The following UGT8 variants were observed in gnomAD, a reference collection of about 807,000 sequenced individuals.
UGT8 encodes UDP glycosyltransferase 8, also known as 2-hydroxyacylsphingosine 1-beta-galactosyltransferase.
A neutral mutation model predicts 40.5 loss-of-function variants in UGT8; 12 were observed. The observed-to-expected ratio is 0.30, with a 90% CI of 0.19 to 0.48. The LOEUF (loss-of-function observed/expected upper bound fraction) is 0.48, where lower values mean the gene tolerates loss of function less well. Ranked by LOEUF, UGT8 falls within the 20% of genes least tolerant of loss-of-function variation. The probability of loss-of-function intolerance (pLI) is 0.99; values close to 1 mark genes in which losing one functional copy is unlikely to be tolerated. For missense variants in UGT8, 513 were observed against 648.7 expected (o/e 0.79, Z 2.27); for synonymous variants, 224 against 240.4 (o/e 0.93, Z 0.63).
At chr4:114,670,899 T>G (rs1735226492) in intron 5 of UGT8, among the ~76,000 whole-genome samples, 1 of 152,110 alleles carries the variant, frequency 6.6e-6, no homozygotes, top group Non-Finnish European at 1.5e-5. Flanking sequence ...ATGACATGGT[T>G]TTATATTTAG....
intron 2 of UGT8, among the ~76,000 whole-genome samples, chr4:114,638,624 C>T (rs946004068): frequency 1.3e-5 from 2 of 152,222 alleles, no homozygotes; most frequent in Non-Finnish European, 2.9e-5. Flanking sequence ...AAACTCATCT[C>T]CTGTGACAGA....
intron 1 of UGT8, among the ~76,000 whole-genome samples, chr4:114,610,440 A>G (rs1039538441): frequency 1.3e-5 from 2 of 152,368 alleles, no homozygotes; most frequent in Non-Finnish European, 2.9e-5. Context: ...GCAATGATAT[A>G]CAAAAGACTT....
At chr4:114,600,118 A>G (rs186988489) in intron 1 of UGT8, among the ~76,000 whole-genome samples, 8 of 152,290 alleles carry the variant, frequency 5.3e-5, no homozygotes, top group Admixed American at 1.3e-4. Context: ...AGGCGTTCTT[A>G]GCAGGAAAAT....
At chr4:114,603,236 G>A (rs1730540998) in intron 1 of UGT8, among the ~76,000 whole-genome samples, 1 of 152,264 alleles carries the variant, frequency 6.6e-6, no homozygotes, top group South Asian at 2.1e-4. Context: ...AGTGCTTATA[G>A]AAAATCGAAC....
intron 4 of UGT8, chr4:114,667,664 T>C (rs1415133531): frequency 3.1e-5 from 5 of 162,984 alleles, no homozygotes; most frequent in African/African-American, 1.2e-4. Flanking sequence ...TCCAGCCCTT[T>C]TTTACATTTT....
chr4:114,615,383 G>A (rs1307146184), intron 1 of UGT8, among the ~76,000 whole-genome samples: 20 of 152,122 alleles, frequency 1.3e-4, no homozygotes, highest in Non-Finnish European at 2.9e-4. Flanking sequence ...GCAATAGGGT[G>A]ACCAGCTCGT....
intron 5 of UGT8, 100 bp from the exon 6 acceptor site, chr4:114,675,825 A>G: frequency 1.1e-5 from 16 of 1,420,894 alleles, no homozygotes; most frequent in Non-Finnish European, 1.5e-5. Flanking sequence ...TTACTAAAGA[A>G]TAGTTGTTTT....
intron 2 of UGT8, among the ~76,000 whole-genome samples, chr4:114,663,425 C>A (rs1034008156): frequency 7.9e-5 from 12 of 151,990 alleles, no homozygotes; most frequent in African/African-American, 2.9e-4. Flanking sequence ...ATTTATTTTC[C>A]TATGGGAAAC....
intron 2 of UGT8, among the ~76,000 whole-genome samples, chr4:114,642,925 A>G (rs755496612): frequency 3.9e-5 from 6 of 152,196 alleles, no homozygotes; most frequent in Non-Finnish European, 5.9e-5. Flanking sequence ...GATTAGTATC[A>G]TACCTCAATC....
intron 2 of UGT8, among the ~76,000 whole-genome samples, chr4:114,625,372 A>G (rs1401839489): frequency 2.0e-5 from 3 of 151,960 alleles, no homozygotes; most frequent in South Asian, 2.1e-4. Context: ...TTAGCTGGGT[A>G]TGGTGATGCA....
At chr4:114,673,971 C>T (rs1231634064) in intron 5 of UGT8, among the ~76,000 whole-genome samples, 3 of 152,116 alleles carry the variant, frequency 2.0e-5, no homozygotes, top group African/African-American at 2.4e-5. Flanking sequence ...AGAGAGAAAA[C>T]GTGCCTGTTA....
At chr4:114,666,731 C>A (rs1734909559) in intron 4 of UGT8, among the ~76,000 whole-genome samples, 1 of 151,916 alleles carries the variant, frequency 6.6e-6, no homozygotes, top group Non-Finnish European at 1.5e-5. Context: ...TATTGTTTTT[C>A]TTTTTTTCTT....
intron 2 of UGT8, among the ~76,000 whole-genome samples, chr4:114,649,573 C>T (rs1222436675): frequency 1.3e-5 from 2 of 152,146 alleles, no homozygotes; most frequent in African/African-American, 4.8e-5. Flanking sequence ...CAACCCTCAA[C>T]CCCACGGTCA....
At chr4:114,651,811 C>T (rs1232638968) in intron 2 of UGT8, among the ~76,000 whole-genome samples, 1 of 151,970 alleles carries the variant, frequency 6.6e-6, no homozygotes, top group African/African-American at 2.4e-5. Flanking sequence ...GGAAAATGTG[C>T]ATAGATTTCT....
At chr4:114,610,386 G>C (rs1052922926) in intron 1 of UGT8, among the ~76,000 whole-genome samples, 3 of 152,038 alleles carry the variant, frequency 2.0e-5, no homozygotes, top group African/African-American at 7.2e-5. Context: ...CAAATATATT[G>C]TGTCAATGTT....
At chr4:114,658,752 A>G (rs866007997) in intron 2 of UGT8, among the ~76,000 whole-genome samples, 2 of 152,308 alleles carry the variant, frequency 1.3e-5, no homozygotes, top group Middle Eastern at 3.4e-3. Context: ...GTATATTTTT[A>G]AGAAGGCATT....
Position 114,622,945 on chromosome 4 carries a change from A to G in UGT8, c.65A>G (p.Lys22Arg). 4 of 1,614,110 alleles carry G rather than the reference A, an allele frequency of 2.5e-6. No individual in the cohort carries two copies. The South Asian group carries it at 4.4e-5, about 18-fold the overall frequency. The change falls in exon 2 of 6, where the codon AAA (lysine) becomes AGA (arginine). Residue 22 changes from lysine to arginine, a missense_variant. Physicochemically the swap from Lys to Arg is conservative, Grantham distance 26 (BLOSUM62 2). This residue lies in a region of UGT8 where 335 missense variants were observed against 444.8 expected (regional missense o/e 0.75). Transcript: ENST00000310836. ...GCTGTTGGGATAGCGAAGGCTGCCA[A>G]AATCATCATCGTGCCGCCAATTATG... ...WSAVGIAKAAKIIIVPPIMFE... is the reference protein window; with the variant it reads ...WSAVGIAKAARIIIVPPIMFE...
At chr4:114,657,589 A>G (rs1212204434) in intron 2 of UGT8, among the ~76,000 whole-genome samples, 1 of 152,210 alleles carries the variant, frequency 6.6e-6, no homozygotes, top group Non-Finnish European at 1.5e-5. Flanking sequence ...CATTTTTGGT[A>G]CTACTTTTCA....
At chr4:114,611,435 TATATATATATACAC>T (rs1731052483) in intron 1 of UGT8, among the ~76,000 whole-genome samples, 2 of 59,192 alleles carry the variant, frequency 3.4e-5, no homozygotes, top group Non-Finnish European at 7.8e-5. Flanking sequence ...TATATATATA[TATATATATATACAC>T]ACACACACAG....
Sources: gnomAD v4.1 joint callset for allele counts (sites outside exome capture counted in the v4.1 genomes callset) on GRCh38, gnomAD v4.1.1 for gene constraint, gnomAD v4.1.1 regional missense constraint, MANE v1.5 for transcripts, NCBI Gene and HGNC (gene_info 2026-07-23, HGNC 2026-07-21) for gene names.